The following DTNA variants were observed in gnomAD, a reference collection of about 807,000 sequenced individuals.
DTNA encodes the protein dystrobrevin alpha.
A neutral mutation model predicts 100.7 loss-of-function variants in DTNA; 43 were observed. The observed-to-expected ratio is 0.43, with a 90% CI of 0.33 to 0.55. The LOEUF is 0.55. DTNA is among the 20% of genes least tolerant of loss of function. DTNA has a pLI of 0.04. For synonymous variants in DTNA, 349 were observed against 347.9 expected, an observed-to-expected ratio of 1.00 and a Z score of -0.04; for missense variants, 798 against 953.9, an observed-to-expected ratio of 0.84 and a Z score of 2.15.
rs192404628 is a variant in DTNA at position 34,795,913 on chromosome 18, C to T, written c.362+1663C>T. Among the ~76,000 whole-genome samples, 6 of 152,258 alleles carry T rather than the reference C, an allele frequency of 3.9e-5. No individual in the cohort carries two copies. In the East Asian group the frequency reaches 5.8e-4, roughly 15 times the overall value. ...TCACTTCTAAATATAGAGCTATGAA[C>T]GGTCTCTAAATAGCTGCTGAAAATA... On this transcript the variant is annotated intron_variant, in intron 4 of 22. Coordinates refer to ENST00000444659, the MANE Select transcript of DTNA (RefSeq NM_001386795.1).
chr18:34,755,858 T>C, intron 1 of DTNA, 118 bp from the exon 2 acceptor site: 1 of 886,462 alleles, frequency 1.1e-6, no homozygotes, highest in South Asian at 1.4e-5. Context: ...AAACAAACAG[T>C]TTTAAATAGG....
Position 34,753,383 on chromosome 18 carries a change from ATTT to A in DTNA, c.-1-2589_-1-2587del, listed in dbSNP as rs1568413203. Among the ~76,000 whole-genome samples, 18 of 12,634 alleles carry A rather than the reference ATTT, an allele frequency of 1.4e-3. 1 individual carries two copies. Among genetic ancestry groups the A allele is most frequent in the African/African-American group, 3.0e-3 (12 of 4,040 alleles). 8.3% of individuals were successfully genotyped at this position (12,634 alleles called of 152,430 possible). A position where few individuals can be genotyped will look rare whatever the true frequency, so the allele number is the denominator to read the frequency against. ...TTTATTTTATTTTTTTTTTTTTTTT[ATTT>A]TTTATTTTTTTTTTGAGACGGAGTC... On this transcript the variant is annotated intron_variant, in intron 1 of 22. Coordinates refer to ENST00000444659, the MANE Select transcript of DTNA (RefSeq NM_001386795.1).
chr18:34,821,083 T>C (rs2095704501), intron 9 of DTNA, 168 bp downstream of exon 9: 1 of 948,114 alleles, frequency 1.1e-6, no homozygotes, highest in South Asian at 1.4e-5. Flanking sequence ...TGTTGAGGTG[T>C]ACAGTACTTC....
intron 1 of DTNA, among the ~76,000 whole-genome samples, chr18:34,623,083 T>C (rs2056787797): frequency 6.6e-6 from 1 of 152,172 alleles, no homozygotes; most frequent in South Asian, 2.1e-4. Flanking sequence ...ACAAACATGC[T>C]GTGTGTTAAG....
chr18:34,617,213 A>C (rs554911900), intron 1 of DTNA, among the ~76,000 whole-genome samples: 1 of 152,238 alleles, frequency 6.6e-6, no homozygotes, highest in East Asian at 1.9e-4. Context: ...CTCAAGGGGA[A>C]TGCTCCCAGC....
chr18:34,564,941 A>G (rs2046957916), intron 1 of DTNA, among the ~76,000 whole-genome samples: 1 of 152,196 alleles, frequency 6.6e-6, no homozygotes, highest in Admixed American at 6.5e-5. Context: ...AATAAAACAT[A>G]TGTAATTATG....
intron 1 of DTNA, among the ~76,000 whole-genome samples, chr18:34,528,703 A>AT (rs1027139807): frequency 1.1e-4 from 17 of 151,116 alleles, no homozygotes; most frequent in African/African-American, 1.9e-4. Context: ...CCTTTCCTTC[A>AT]TTTTTTTTTA....
intron 1 of DTNA, among the ~76,000 whole-genome samples, chr18:34,733,379 A>C (rs76067957): frequency 6.6e-6 from 1 of 152,242 alleles, no homozygotes; most frequent in East Asian, 1.9e-4. Flanking sequence ...GCTTCCTATC[A>C]GTTTCACTTC....
At chr18:34,522,763 C>T (rs2042265595) in intron 1 of DTNA, among the ~76,000 whole-genome samples, 1 of 152,170 alleles carries the variant, frequency 6.6e-6, no homozygotes, top group Non-Finnish European at 1.5e-5. Context: ...AGTATACCCA[C>T]ACACAGACCC....
At chr18:34,618,510 GT>G (rs1244099289) in intron 1 of DTNA, among the ~76,000 whole-genome samples, 1 of 152,068 alleles carries the variant, frequency 6.6e-6, no homozygotes, top group Non-Finnish European at 1.5e-5. Flanking sequence ...TCATAATTCT[GT>G]GACTCACTTT....
At chr18:34,772,049 A>G (rs999221222) in intron 3 of DTNA, among the ~76,000 whole-genome samples, 3 of 152,106 alleles carry the variant, frequency 2.0e-5, no homozygotes, top group African/African-American at 4.8e-5. Flanking sequence ...AATCAGAAAT[A>G]TCTAATCCCT....
At chr18:34,637,895 A>G (rs1211774864) in intron 1 of DTNA, among the ~76,000 whole-genome samples, 1 of 152,246 alleles carries the variant, frequency 6.6e-6, no homozygotes, top group Non-Finnish European at 1.5e-5. Flanking sequence ...ATATATTTCA[A>G]TAGCAAAGGT....
intron 1 of DTNA, among the ~76,000 whole-genome samples, chr18:34,584,503 TATA>T (rs1042217924): frequency 2.0e-5 from 3 of 151,976 alleles, no homozygotes; most frequent in Non-Finnish European, 2.9e-5. Context: ...GGCGAAATAA[TATA>T]ATCAACAGAA....
At chr18:34,597,822 A>G (rs6507097) in intron 1 of DTNA, among the ~76,000 whole-genome samples, 6,608 of 89,362 alleles carry the variant, frequency 0.074, 472 homozygotes, top group African/African-American at 0.24. Flanking sequence ...GGAAAACCCC[A>G]CTTTTCCTTT....
intron 4 of DTNA, among the ~76,000 whole-genome samples, chr18:34,798,419 A>G (rs76911500): frequency 6.8e-6 from 1 of 147,006 alleles, no homozygotes; most frequent in African/African-American, 2.5e-5. Context: ...TGCTCCACAG[A>G]AAAAAAAAAC....
At chr18:34,596,591 T>A (rs1349655609) in intron 1 of DTNA, among the ~76,000 whole-genome samples, 1 of 152,190 alleles carries the variant, frequency 6.6e-6, no homozygotes, top group East Asian at 1.9e-4. Context: ...TTACATCGGG[T>A]ATATCAGTCC....
chr18:34,507,328 G>A (rs75345177), intron 1 of DTNA, among the ~76,000 whole-genome samples: 6,061 of 152,260 alleles, frequency 0.04, 382 homozygotes, highest in African/African-American at 0.14. Flanking sequence ...GGACCAGTAC[G>A]TGCATGGGAA....
intron 6 of DTNA, among the ~76,000 whole-genome samples, chr18:34,813,422 C>T (rs899379111): frequency 3.1e-4 from 44 of 143,582 alleles, no homozygotes; most frequent in African/African-American, 1.0e-3. Flanking sequence ...CCAGCCTGGG[C>T]GACAGAGCAA....
At chr18:34,865,282 C>CTTT (rs71927925) in intron 17 of DTNA, among the ~76,000 whole-genome samples, 4 of 151,558 alleles carry the variant, frequency 2.6e-5, no homozygotes, top group African/African-American at 9.7e-5. Context: ...CTTTCTTTCT[C>CTTT]TTTTTTTTGT....
Sources: gnomAD v4.1 joint callset for allele counts (sites outside exome capture counted in the v4.1 genomes callset) on GRCh38, gnomAD v4.1.1 for gene constraint, MANE v1.5 for transcripts, NCBI Gene and HGNC (gene_info 2026-07-23, HGNC 2026-07-21) for gene names.